The following SYTL1 variants were observed in gnomAD, a reference collection of about 807,000 sequenced individuals.
SYTL1 encodes the protein synaptotagmin-like protein 1.
SYTL1 carries 53 observed loss-of-function variants against 74.6 expected under a neutral mutation model. The observed-to-expected ratio is 0.71, with a 90% CI of 0.57 to 0.89. SYTL1 has a LOEUF of 0.89. Among genes scored for constraint, SYTL1 ranks in the 40% least tolerant of loss-of-function variants. The probability of loss-of-function intolerance (pLI) is 0.00; values close to 1 mark genes in which losing one functional copy is unlikely to be tolerated. For synonymous variants in SYTL1, 329 were observed against 324.9 expected (o/e 1.01, Z -0.14); for missense variants, 728 against 768.7 (o/e 0.95, Z 0.63).
At position 27,351,526 on chromosome 1, in the gene SYTL1, G is replaced by T. The variant is rs770849511; in HGVS notation, c.1314G>T (p.Arg438=). ...AGGCTCGGGACCTCCTGCCGCTGCG[G>T]GCAGGATCCCTGGACACTTACGTAC... is the stretch of plus-strand genomic sequence containing the variant. ...VKEARDLLPL[R]AGSLDTYVQC... is the part of the protein sequence containing the mutation. The change falls in exon 13 of 15, where the codon CGG becomes CGT. Residue 438 remains arginine (R), a synonymous_variant. Transcript: ENST00000616558. This position sits in a 1 kb window ranked among gnomAD's most constrained non-coding sequence, Gnocchi z 5.0. 16 of 1,548,840 alleles carry T rather than the reference G, an allele frequency of 1.0e-5. No homozygotes were observed. The highest frequency in any genetic ancestry group is 1.7e-4 in the Middle Eastern group (1 of 5,968).
At position 27,350,743 on chromosome 1, in the gene SYTL1, T is replaced by C. The variant is rs1238293766; in HGVS notation, c.1006-51T>C. On this transcript the variant is annotated intron_variant, in intron 10 of 14. Transcript: ENST00000616558. The surrounding 1 kb of genome is among the most constrained non-coding windows in gnomAD (Gnocchi z 6.3). ...CCTGCCTCAGCCAACTCGCGCAGCA[T>C]CTACGCGGGCCACCAGCAGTGCTCC... The C allele has an allele frequency of 6.3e-7, 1 of 1,593,136 alleles. No individual in the cohort carries two copies.
In SYTL1 at chr1:27,353,736, C is replaced by T; in HGVS notation, c.1573C>T (p.Pro525Ser). 6.2e-7 allele frequency: 1 copy of T among 1,613,866 alleles called. No individual in the cohort carries two copies. Among genetic ancestry groups the T allele is most frequent in the Non-Finnish European group, 8.5e-7 (1 of 1,179,948 alleles). ...GTGSSYGLQV[P>S]WMDSTPEEKQ... ...AGGCAGCAGCTATGGGCTGCAGGTGCCCTGGATGGATTCCACACCTGAGGA... is the reference window on the plus strand; with the variant it reads ...AGGCAGCAGCTATGGGCTGCAGGTGTCCTGGATGGATTCCACACCTGAGGA... Residue 525 changes from proline (P) to serine (S), a missense_variant, in exon 15 of 15, where the codon CCC (proline) becomes TCC (serine). By Grantham distance (74) the Pro-to-Ser change is moderately conservative. Transcript: ENST00000616558.
Position 27,350,976 on chromosome 1 carries a change from G to A in SYTL1, c.1164+24G>A. 6.2e-7 allele frequency: 1 copy of A among 1,611,428 alleles called. No individual in the cohort carries two copies. The highest frequency in any genetic ancestry group is 8.5e-7 in the Non-Finnish European group (1 of 1,179,154). On this transcript the variant is annotated intron_variant, in intron 11 of 14. Coordinates refer to ENST00000616558, the MANE Select transcript of SYTL1 (RefSeq NM_001193308.2). This position sits in a 1 kb window ranked among gnomAD's most constrained non-coding sequence, Gnocchi z 6.3. ...GGGTGAGGCAGCCAGGCCGCGTGGG[G>A]AGACCTGCGGCCCGGGTCTCCTGCA...
At position 27,351,220 on chromosome 1, in the gene SYTL1, C is replaced by T. The variant is rs202234254; in HGVS notation, c.1165-38C>T. ...ACCCCACCCTCCTGAGGCCCCTTTC[C>T]ATTAGCCCCTGCTCCACGATAAGCC... On this transcript the variant is annotated intron_variant, in intron 11 of 14. Transcript: ENST00000616558. The surrounding 1 kb of genome is among the most constrained non-coding windows in gnomAD (Gnocchi z 5.0). 60 of 1,548,072 alleles carry T rather than the reference C, an allele frequency of 3.9e-5. No homozygotes were observed. In the African/African-American group the frequency reaches 7.0e-4, roughly 18 times the overall value.
intron 13 of SYTL1, 86 bp from the exon 14 acceptor site, chr1:27,353,197 T>G: frequency 1.6e-5 from 21 of 1,343,856 alleles, no homozygotes; most frequent in East Asian, 2.5e-5. Context: ...TGGACATATG[T>G]GAGAGAGAAT....
intron 5 of SYTL1, 25 bp from the exon 6 acceptor site, chr1:27,349,055 G>A (rs762578865): frequency 1.3e-6 from 2 of 1,587,642 alleles, no homozygotes; most frequent in Non-Finnish European, 1.7e-6. Flanking sequence ...CCCGTACTGT[G>A]ACCTCTACCC....
chr1:27,345,234 G>T lies in SYTL1; in HGVS notation c.-38-63G>T, dbSNP rs2014945552. On this transcript the variant is annotated intron_variant, in intron 1 of 14. Transcript: ENST00000616558. The surrounding 1 kb of genome is among the most constrained non-coding windows in gnomAD (Gnocchi z 6.0). ...CCAAGTGTTTGGGGAGAAAAGGGCT[G>T]TTGGTTCTAGGATGTGCCAAGCATT... The T allele has an allele frequency of 1.1e-6, 1 of 923,346 alleles. No individual in the cohort carries two copies. The highest frequency in any genetic ancestry group is 1.5e-6 in the Non-Finnish European group (1 of 647,186). The allele number at this position is 923,346 out of a possible 1,614,324, so 57.2% of individuals were successfully genotyped here. A position where few individuals can be genotyped will look rare whatever the true frequency, so the allele number is the denominator to read the frequency against.
Position 27,351,411 on chromosome 1 carries a change from G to C in SYTL1, c.1244-45G>C, listed in dbSNP as rs899158128. On this transcript the variant is annotated intron_variant, in intron 12 of 14. Coordinates refer to ENST00000616558, the MANE Select transcript of SYTL1 (RefSeq NM_001193308.2). This position sits in a 1 kb window ranked among gnomAD's most constrained non-coding sequence, Gnocchi z 5.0. ...GACTCCAGTCCCCGGGTTTGGGGGC[G>C]GTGGACTCCATCCGTGTGCGGGCCT... 3 of 1,504,026 alleles carry C rather than the reference G, an allele frequency of 2.0e-6. No homozygotes were observed. The African/African-American group carries it at 4.2e-5, about 21-fold the overall frequency. 93.2% of individuals were successfully genotyped at this position (1,504,026 alleles called of 1,614,324 possible).
rs1359322395 is a variant in SYTL1, at chr1:27,351,543, C to G, written c.1331C>G (p.Thr444Ser). 2 of 1,545,996 alleles carry G rather than the reference C, an allele frequency of 1.3e-6. No homozygotes were observed. Among genetic ancestry groups the G allele is most frequent in the African/African-American group, 1.4e-5 (1 of 72,860 alleles). Residue 444 changes from threonine (T) to serine (S), a missense_variant, in exon 13 of 15, where the codon ACT becomes AGT. Transcript: ENST00000616558. The surrounding 1 kb of genome is among the most constrained non-coding windows in gnomAD (Gnocchi z 5.0). ...CCGCTGCGGGCAGGATCCCTGGACA[C>G]TTACGTACAATGGTGAGGAGTGCTG... The part of the protein sequence containing the change: ...LLPLRAGSLD[T>S]YVQCFVLPDD...
Position 27,348,831 on chromosome 1 carries a change from TGGA to T in SYTL1, c.460-245_460-243del, listed in dbSNP as rs1221730666. On this transcript the variant is annotated intron_variant, in intron 5 of 14. Transcript: ENST00000616558. The surrounding 1 kb of genome is among the most constrained non-coding windows in gnomAD (Gnocchi z 4.1). ...TGGGACTGGCCTGGCCTGGCAGAGG[TGGA>T]GGACTCAGGTACGAATGACCCCACC... 6.6e-6 allele frequency among the ~76,000 whole-genome samples: 1 copy of T among 151,364 alleles called. No individual in the cohort carries two copies. The highest frequency in any genetic ancestry group is 1.9e-4 in the East Asian group (1 of 5,164).
rs1240100002 is a variant in SYTL1 at position 27,347,734 on chromosome 1, T to A, written c.341-74T>A. 6.5e-7 allele frequency: 1 copy of A among 1,546,216 alleles called. No homozygotes were observed. Among genetic ancestry groups the A allele is most frequent in the Non-Finnish European group, 8.8e-7 (1 of 1,139,298 alleles). ...CGTGGGCATGGGGTGGGTGGGTATC[T>A]CCCAGGGCCTCTCCCGAGTCACAGC... is the stretch of plus-strand genomic sequence containing the variant. On this transcript the variant is annotated intron_variant, in intron 3 of 14. Coordinates refer to ENST00000616558, the MANE Select transcript of SYTL1 (RefSeq NM_001193308.2). The surrounding 1 kb of genome is among the most constrained non-coding windows in gnomAD (Gnocchi z 4.9).
Position 27,351,575 on chromosome 1 carries a change from C to G in SYTL1, c.1343+20C>G, listed in dbSNP as rs1432697270. On this transcript the variant is annotated intron_variant, in intron 13 of 14. Transcript: ENST00000616558. This position sits in a 1 kb window ranked among gnomAD's most constrained non-coding sequence, Gnocchi z 5.0. ...ACAATGGTGAGGAGTGCTGGCCCTCCGGGCTTCCCATTCTTTTGCCTGCAG... is the reference window on the plus strand; with the variant it reads ...ACAATGGTGAGGAGTGCTGGCCCTCGGGGCTTCCCATTCTTTTGCCTGCAG... The G allele has an allele frequency of 2.0e-6, 3 of 1,468,174 alleles. No individual in the cohort carries two copies. The East Asian group carries it at 7.5e-5, about 37-fold the overall frequency. The allele number at this position is 1,468,174 out of a possible 1,614,324, so 90.9% of individuals were successfully genotyped here. A position where few individuals can be genotyped will look rare whatever the true frequency, so the allele number is the denominator to read the frequency against.
intron 1 of SYTL1, among the ~76,000 whole-genome samples, chr1:27,344,048 C>T (rs982831399): frequency 6.6e-6 from 1 of 152,082 alleles, no homozygotes; most frequent in Non-Finnish European, 1.5e-5. Flanking sequence ...TCTCCTGCCT[C>T]GCTTCCCAAG....
rs951677542 is a variant in SYTL1 at position 27,349,379 on chromosome 1, A to G, written c.533-19A>G. 6.9e-7 allele frequency: 1 copy of G among 1,445,480 alleles called. No homozygotes were observed. Among genetic ancestry groups the G allele is most frequent in the Non-Finnish European group, 9.1e-7 (1 of 1,096,852 alleles). 89.5% of individuals were successfully genotyped at this position (1,445,480 alleles called of 1,614,324 possible). On this transcript the variant is annotated intron_variant, in intron 6 of 14. Coordinates refer to ENST00000616558, the MANE Select transcript of SYTL1 (RefSeq NM_001193308.2). ...GAGGGCAGGAGAGGGCTCGCTTAGC[A>G]TCTCGTGCCCCACCCCAGATCCTGG... is the stretch of plus-strand genomic sequence containing the variant.
chr1:27,349,624 G>A (rs1398365699), intron 7 of SYTL1, 28 bp from the exon 8 acceptor site: 1 of 1,578,046 alleles, frequency 6.3e-7, no homozygotes, highest in Non-Finnish European at 8.6e-7. Context: ...GGAAAGAAGG[G>A]GCGCCCCGTC....
Position 27,347,643 on chromosome 1 carries a change from G to A in SYTL1, c.340+74G>A, listed in dbSNP as rs748114897. The A allele has an allele frequency of 1.1e-4, 173 of 1,572,456 alleles. No individual in the cohort carries two copies. Among genetic ancestry groups the A allele is most frequent in the Non-Finnish European group, 1.4e-4 (164 of 1,156,330 alleles). On this transcript the variant is annotated intron_variant, in intron 3 of 14. Transcript: ENST00000616558. This position sits in a 1 kb window ranked among gnomAD's most constrained non-coding sequence, Gnocchi z 4.9. ...CTGGCTGTATGTGGACAGGGAGAGA[G>A]GACCACTAGGGCTCCAGTCCTGGCT... is the stretch of plus-strand genomic sequence containing the variant.
rs1237672424 is a variant in SYTL1, at chr1:27,345,451, G to A, written c.117G>A (p.Glu39=). Residue 39 remains glutamate (E), a synonymous_variant, in exon 2 of 15, where the codon GAG becomes GAA. Transcript: ENST00000616558. This position sits in a 1 kb window ranked among gnomAD's most constrained non-coding sequence, Gnocchi z 6.0. ...TGTTGGACCTCAGCTTCCTGACAGA[G>A]GAGGAGCAGGAGGCCATTGCTGGCG... ...EGLLDLSFLT[E]EEQEAIAGVL... The A allele has an allele frequency of 6.4e-7, 1 of 1,561,862 alleles. No individual in the cohort carries two copies. The highest frequency in any genetic ancestry group is 8.7e-7 in the Non-Finnish European group (1 of 1,152,212).
Position 27,350,290 on chromosome 1 carries a change from A to G in SYTL1, c.909-99A>G. The G allele has an allele frequency of 6.8e-7, 1 of 1,480,712 alleles. No homozygotes were observed. 91.7% of individuals were successfully genotyped at this position (1,480,712 alleles called of 1,614,324 possible). A position where few individuals can be genotyped will look rare whatever the true frequency, so the allele number is the denominator to read the frequency against. On this transcript the variant is annotated intron_variant, in intron 9 of 14. Transcript: ENST00000616558. The surrounding 1 kb of genome is among the most constrained non-coding windows in gnomAD (Gnocchi z 6.3). ...CAATCCCTGTAAAGCGCTTAGCACGAGGCCTGGCACGTGTTCGGGATGGTG... is the reference window on the plus strand; with the variant it reads ...CAATCCCTGTAAAGCGCTTAGCACGGGGCCTGGCACGTGTTCGGGATGGTG...
Position 27,342,449 on chromosome 1 carries a change from G to A in SYTL1, c.-39+299G>A. 1 of 520,162 alleles carries A rather than the reference G, an allele frequency of 1.9e-6. No homozygotes were observed. The highest frequency in any genetic ancestry group is 2.5e-6 in the Non-Finnish European group (1 of 404,990). 32.2% of individuals were successfully genotyped at this position (520,162 alleles called of 1,614,324 possible). On this transcript the variant is annotated intron_variant, in intron 1 of 14. Coordinates refer to ENST00000616558, the MANE Select transcript of SYTL1 (RefSeq NM_001193308.2). The surrounding 1 kb of genome is among the most constrained non-coding windows in gnomAD (Gnocchi z 4.7). ...TGAGGACGCTGGGCTGATGCCCATGGCCCAGCTCAGGCAGGCCTGAAGGAC... is the reference window on the plus strand; with the variant it reads ...TGAGGACGCTGGGCTGATGCCCATGACCCAGCTCAGGCAGGCCTGAAGGAC...
Sources: gnomAD v4.1 joint callset for allele counts (sites outside exome capture counted in the v4.1 genomes callset) on GRCh38, gnomAD v4.1.1 for gene constraint, Gnocchi (gnomAD v3.1) non-coding constraint, MANE v1.5 for transcripts, NCBI Gene and HGNC (gene_info 2026-07-23, HGNC 2026-07-21) for gene names.